The following VWCE variants were observed in gnomAD, a reference collection of about 807,000 sequenced individuals.
The protein encoded by VWCE is von Willebrand factor C and EGF domain-containing protein.
Under a neutral mutation model 102.9 loss-of-function variants are expected in VWCE, and 68 were observed. That is an observed-to-expected ratio of 0.66 (90% confidence interval 0.54 to 0.81). The LOEUF (loss-of-function observed/expected upper bound fraction) is 0.81. Ranked by LOEUF, VWCE falls within the 30% of genes least tolerant of loss-of-function variation. The pLI is 0.00. For missense variants in VWCE, 1,137 were observed against 1,263.6 expected (o/e 0.90, Z 1.52); for synonymous variants, 497 against 515.4 (o/e 0.96, Z 0.48).
At chr11:61,280,380 A>G (rs191446501) in intron 9 of VWCE, among the ~76,000 whole-genome samples, 1 of 152,264 alleles carries the variant, frequency 6.6e-6, no homozygotes, top group East Asian at 1.9e-4. Flanking sequence ...TGGTTCTCAA[A>G]GTATGGTCCC....
rs747902804 is a variant in VWCE at position 61,281,144 on chromosome 11, C to A, written c.879G>T (p.Arg293=). The A allele has an allele frequency of 3.7e-6, 6 of 1,613,500 alleles. No individual in the cohort carries two copies. Among genetic ancestry groups the A allele is most frequent in the Non-Finnish European group, 5.1e-6 (6 of 1,179,962 alleles). ...KMLLLLPEAG[R]PALSPGHSPP... ...GGCTATGTCCTGGGGACAGGGCAGGCCGGCCGGCCTCAGGAAGCAACAGAA... is the reference window on the plus strand; with the variant it reads ...GGCTATGTCCTGGGGACAGGGCAGGACGGCCGGCCTCAGGAAGCAACAGAA... The change falls in exon 8 of 20, where the codon CGG becomes CGT. Residue 293 remains arginine, a synonymous_variant. Coordinates refer to ENST00000335613, the MANE Select transcript of VWCE (RefSeq NM_152718.2).
chr11:61,289,748 A>C (rs575115730), intron 4 of VWCE, among the ~76,000 whole-genome samples: 65 of 152,328 alleles, frequency 4.3e-4, no homozygotes, highest in South Asian at 1.4e-3. Flanking sequence ...AGGAAAAAAA[A>C]CTTCATTTTA....
In VWCE at chr11:61,266,616, T is replaced by G. The variant is rs570989374; in HGVS notation, c.1965+846A>C. Among the ~76,000 whole-genome samples, 206 of 152,250 alleles carry G rather than the reference T, an allele frequency of 1.4e-3. 2 individuals are homozygous for G. The highest frequency in any genetic ancestry group is 1.5e-3 in the Non-Finnish European group (99 of 68,010). On this transcript the variant is annotated intron_variant, in intron 16 of 19. Transcript: ENST00000335613. ...TACTATGGGACATGCTTTTTCAGAC[T>G]GAGAGGCAGTATGACCCAGGAGAAG...
At chr11:61,278,834 T>A (rs1855018434) in intron 9 of VWCE, among the ~76,000 whole-genome samples, 1 of 151,364 alleles carries the variant, frequency 6.6e-6, no homozygotes, top group South Asian at 2.1e-4. Context: ...AGGTCAGGAG[T>A]TTGAGACCAG....
rs140401755 is a variant in VWCE at position 61,279,747 on chromosome 11, C to A, written c.1324+877G>T. On this transcript the variant is annotated intron_variant, in intron 9 of 19. Coordinates refer to ENST00000335613, the MANE Select transcript of VWCE (RefSeq NM_152718.2). ...TGCTTTTTTTCTTTTTTCTTTTTAGCCAGGGTCTCACTCTGTTGCCCAGGC... is the reference window on the plus strand; with the variant it reads ...TGCTTTTTTTCTTTTTTCTTTTTAGACAGGGTCTCACTCTGTTGCCCAGGC... 2.3e-4 allele frequency among the ~76,000 whole-genome samples: 35 copies of A among 152,090 alleles called. No individual in the cohort carries two copies. In the East Asian group the frequency reaches 6.8e-3, roughly 30 times the overall value.
chr11:61,267,227 C>T (rs1168116453), intron 16 of VWCE, among the ~76,000 whole-genome samples: 1 of 152,178 alleles, frequency 6.6e-6, no homozygotes, highest in Non-Finnish European at 1.5e-5. Context: ...CACTGCACTC[C>T]AACCTGGGAG....
At chr11:61,266,566 T>G (rs994906232) in intron 16 of VWCE, among the ~76,000 whole-genome samples, 2 of 152,080 alleles carry the variant, frequency 1.3e-5, no homozygotes, top group Non-Finnish European at 2.9e-5. Flanking sequence ...AACAATTTTT[T>G]TTTCATTTTC....
chr11:61,281,737 C>A (rs756978857), intron 7 of VWCE, 49 bp downstream of exon 7: 1 of 1,565,568 alleles, frequency 6.4e-7, no homozygotes, highest in Non-Finnish European at 8.7e-7. Context: ...CTGGGGCAGG[C>A]ACTGAGGGGG....
Position 61,258,877 on chromosome 11 carries a change from G to A in VWCE, c.2666C>T (p.Pro889Leu), listed in dbSNP as rs147752025. 1.3e-5 allele frequency: 19 copies of A among 1,519,960 alleles called. No individual in the cohort carries two copies. Among genetic ancestry groups the A allele is most frequent in the Non-Finnish European group, 1.7e-5 (19 of 1,136,248 alleles). 94.2% of individuals were successfully genotyped at this position (1,519,960 alleles called of 1,614,324 possible). The change falls in exon 20 of 20, where the codon CCT becomes CTT. Residue 889 changes from proline to leucine, a missense_variant. Pro to Leu is a moderately conservative substitution (Grantham distance 98, BLOSUM62 -3). This residue lies in a region of VWCE where 316 missense variants were observed against 319.3 expected (regional missense o/e 0.99). Transcript: ENST00000335613. ...TTCCGTCAGGAGGGTGCCAGGCAGA[G>A]GAGGCCACCTGGACACTATCTGGGC... ...SGAQIVSRWP[P>L]LPGTLLTEAS... is the part of the protein sequence containing the mutation.
In VWCE at chr11:61,265,174, G is replaced by A; in HGVS notation, c.2004C>T (p.Ile668=). 3 of 1,537,162 alleles carry A rather than the reference G, an allele frequency of 2.0e-6. No homozygotes were observed. Among genetic ancestry groups the A allele is most frequent in the African/African-American group, 1.4e-5 (1 of 73,508 alleles). Residue 668 remains isoleucine, a synonymous_variant, in exon 17 of 20, where the codon ATC becomes ATT. Transcript: ENST00000335613. ...CAGGGTGGAAAGGGTAGGTACAGGT[G>A]ATGGGGCAGTCCACGGGGGAACAGG... The part of the protein sequence containing the change: ...SVACSPVDCP[I]TCTYPFHPDG...
rs541075211 is a variant in VWCE at position 61,291,277 on chromosome 11, C to T, written c.282G>A (p.Gly94=). The T allele has an allele frequency of 2.5e-6, 4 of 1,589,190 alleles. No homozygotes were observed. In the East Asian group the frequency reaches 9.0e-5, roughly 36 times the overall value. ...ATCCCCAGTTACCTGGGCAGGTGGCCCCTTGCTCTCCATCCTGGCAGGAGC... is the reference window on the plus strand; with the variant it reads ...ATCCCCAGTTACCTGGGCAGGTGGCTCCTTGCTCTCCATCCTGGCAGGAGC... ...NVCSCQDGEQ[G]ATCPETHGPC... The change falls in exon 3 of 20, where the codon GGG becomes GGA. Residue 94 remains glycine, a synonymous_variant. Coordinates refer to ENST00000335613, the MANE Select transcript of VWCE (RefSeq NM_152718.2).
chr11:61,266,623 C>T (rs187487600), intron 16 of VWCE, among the ~76,000 whole-genome samples: 20 of 152,092 alleles, frequency 1.3e-4, no homozygotes, highest in African/African-American at 4.6e-4. Context: ...GACTGAGAGG[C>T]AGTATGACCC....
At chr11:61,267,418 G>A (rs187172416) in intron 16 of VWCE, 44 bp downstream of exon 16, 1 of 1,582,948 alleles carries the variant, frequency 6.3e-7, no homozygotes, top group Non-Finnish European at 8.7e-7. Flanking sequence ...TGTCAGTTGT[G>A]GGGGAGTTTC....
intron 12 of VWCE, among the ~76,000 whole-genome samples, chr11:61,274,074 C>T (rs959160264): frequency 2.6e-4 from 39 of 152,110 alleles, no homozygotes; most frequent in African/African-American, 8.7e-4. Context: ...CCAGGCAGAA[C>T]GGCCATCTCC....
intron 3 of VWCE, 46 bp from the exon 4 acceptor site, chr11:61,290,973 C>A: frequency 6.3e-7 from 1 of 1,584,920 alleles, no homozygotes; most frequent in Non-Finnish European, 8.6e-7. Context: ...GTGGCAGTCC[C>A]AACCATCCCC....
At position 61,264,596 on chromosome 11, in the gene VWCE, C is replaced by A. The variant is rs1854455173; in HGVS notation, c.2140-19G>T. 6.3e-7 allele frequency: 1 copy of A among 1,595,750 alleles called. No homozygotes were observed. Among genetic ancestry groups the A allele is most frequent in the Non-Finnish European group, 8.5e-7 (1 of 1,170,736 alleles). On this transcript the variant is annotated intron_variant, in intron 18 of 19. Transcript: ENST00000335613. ...CTCCCAGCTGGGGAAGCAGAAGGAA[C>A]CCCATGAGGAAGCCCAGAGCATCTT... is the stretch of plus-strand genomic sequence containing the variant.
intron 19 of VWCE, 58 bp downstream of exon 19, chr11:61,264,429 A>C: frequency 6.5e-7 from 1 of 1,527,596 alleles, no homozygotes; most frequent in Non-Finnish European, 9.0e-7. Flanking sequence ...GTACCGGGGA[A>C]GAAAAGTAAA....
chr11:61,269,172 G>C, intron 14 of VWCE, 154 bp from the exon 15 acceptor site: 1 of 648,158 alleles, frequency 1.5e-6, no homozygotes, highest in East Asian at 2.8e-5. Flanking sequence ...CCCCTAAAGA[G>C]GATCGGCTAC....
At chr11:61,279,581 A>C (rs1855051380) in intron 9 of VWCE, among the ~76,000 whole-genome samples, 2 of 152,188 alleles carry the variant, frequency 1.3e-5, no homozygotes, top group African/African-American at 4.8e-5. Context: ...CAAAAACAAA[A>C]AAACAAAAAA....
Sources: allele counts gnomAD v4.1 joint callset (sites outside exome capture counted in the v4.1 genomes callset), GRCh38; gene constraint gnomAD v4.1.1; regional missense constraint gnomAD v4.1.1; transcripts MANE v1.5; gene names NCBI Gene and HGNC (gene_info 2026-07-23, HGNC 2026-07-21).